Variants in LGSN observed in about 807,000 individuals in gnomAD.
LGSN encodes the protein lengsin, lens protein with glutamine synthetase domain, also known as lengsin.
Under a neutral mutation model 19.5 loss-of-function variants are expected in LGSN, and 21 were observed. That is an observed-to-expected ratio of 1.07 (90% CI 0.76 to 1.55). The LOEUF is 1.55. LGSN is among the 40% of genes most tolerant of loss of function. The pLI, the probability that LGSN is intolerant of heterozygous loss-of-function variation, is 0.00. For missense variants in LGSN, 673 were observed against 608.5 expected, an observed-to-expected ratio of 1.11 and a Z score of -1.12; for synonymous variants, 257 against 215.6, an observed-to-expected ratio of 1.19 and a Z score of -1.68.
the LGSN span, among the ~76,000 whole-genome samples, chr6:63,399,257 C>T: frequency 6.6e-6 from 1 of 152,114 alleles, no homozygotes; most frequent in African/African-American, 2.4e-5. Context: ...TAGGCTATAC[C>T]TTATAGCTTA....
the LGSN span, among the ~76,000 whole-genome samples, chr6:63,420,792 T>C: frequency 6.6e-6 from 1 of 152,148 alleles, no homozygotes; most frequent in East Asian, 1.9e-4. Flanking sequence ...AAAAAAAAGA[T>C]GTCATACATA....
the LGSN span, among the ~76,000 whole-genome samples, chr6:63,547,793 G>T: frequency 6.8e-6 from 1 of 146,994 alleles, no homozygotes; most frequent in Non-Finnish European, 1.5e-5. Flanking sequence ...TTACAGGCGT[G>T]AGCCACTGCG....
the LGSN span, among the ~76,000 whole-genome samples, chr6:63,569,283 T>C: frequency 6.6e-6 from 1 of 152,328 alleles, no homozygotes; most frequent in Middle Eastern, 3.4e-3. Context: ...TGAAATGAAG[T>C]CTCACTCTGT....
At chr6:63,320,439 CT>C (rs1162883926), upstream of LGSN, among the ~76,000 whole-genome samples, 1 of 152,116 alleles carries the variant, frequency 6.6e-6, no homozygotes. Context: ...TTTTTATTTT[CT>C]TTTCTAGGTC....
chr6:63,414,224 T>G, the LGSN span, among the ~76,000 whole-genome samples: 1 of 152,096 alleles, frequency 6.6e-6, no homozygotes, highest in Non-Finnish European at 1.5e-5. Flanking sequence ...CAGGGCCTGA[T>G]GCACCTGAGG....
At chr6:63,500,320 A>G in the LGSN span, among the ~76,000 whole-genome samples, 4 of 152,214 alleles carry the variant, frequency 2.6e-5, no homozygotes, top group Non-Finnish European at 4.4e-5. Context: ...CAAAGAAGGC[A>G]ATGGTCAAGA....
the LGSN span, among the ~76,000 whole-genome samples, chr6:63,460,614 G>A: frequency 6.6e-6 from 1 of 151,980 alleles, no homozygotes; most frequent in East Asian, 1.9e-4. Flanking sequence ...TCTATTATTA[G>A]GAGGAATTTT....
chr6:63,379,559 T>C, the LGSN span, among the ~76,000 whole-genome samples: 1 of 152,210 alleles, frequency 6.6e-6, no homozygotes, highest in Non-Finnish European at 1.5e-5. Flanking sequence ...TCAATTTTTC[T>C]CAGTGATTAA....
At chr6:63,316,519 C>G (rs1458943655) in intron 1 of LGSN, among the ~76,000 whole-genome samples, 1 of 151,858 alleles carries the variant, frequency 6.6e-6, no homozygotes, top group Non-Finnish European at 1.5e-5. Flanking sequence ...TAATATGAAG[C>G]TAAATAATAA....
chr6:63,336,927 C>T, the LGSN span, among the ~76,000 whole-genome samples: 1 of 145,472 alleles, frequency 6.9e-6, no homozygotes, highest in South Asian at 2.2e-4. Context: ...CCTTTCTTTT[C>T]TTTTCTTTTT....
chr6:63,281,086 G>GGTT lies in LGSN; in HGVS notation c.462_464dup (p.Thr155dup), dbSNP rs753094211. 1.2e-6 allele frequency: 2 copies of GGTT among 1,613,734 alleles called. No homozygotes were observed. Among genetic ancestry groups the GGTT allele is most frequent in the East Asian group, 4.5e-5 (2 of 44,854 alleles). On this transcript the variant is annotated inframe_insertion, in exon 4 of 4. Transcript: ENST00000370657. The stretch of plus-strand genomic sequence containing the variant: ...TGTCAGCCCATGGCAAAACTCTAAA[G>GGTT]GTTGATAACTCTGGCATTAGGACTA...
In LGSN at chr6:63,295,838, GA is replaced by G. The variant is rs1249625182; in HGVS notation, c.31-794del. Among the ~76,000 whole-genome samples, 7 of 151,718 alleles carry G rather than the reference GA, an allele frequency of 4.6e-5. No homozygotes were observed. In the East Asian group the frequency reaches 1.4e-3, roughly 29 times the overall value. ...GTCCCAAGACACAAAAGCTGTCACT[GA>G]AAAAAAATATGAAAAATTTTGAAAA... On this transcript the variant is annotated intron_variant, in intron 1 of 3. Coordinates refer to ENST00000370657, the MANE Select transcript of LGSN (RefSeq NM_016571.3).
chr6:63,330,049 T>C, the LGSN span, among the ~76,000 whole-genome samples: 1 of 152,190 alleles, frequency 6.6e-6, no homozygotes, highest in Admixed American at 6.5e-5. Context: ...GAGCTGGCGC[T>C]TGCCCCAGGC....
chr6:63,352,767 A>G, the LGSN span, among the ~76,000 whole-genome samples: 1 of 152,024 alleles, frequency 6.6e-6, no homozygotes, highest in Non-Finnish European at 1.5e-5. Context: ...AAACAAAGGG[A>G]TAGAATTTTG....
the LGSN span, among the ~76,000 whole-genome samples, chr6:63,407,726 A>G: frequency 2.0e-5 from 3 of 152,200 alleles, no homozygotes; most frequent in Non-Finnish European, 4.4e-5. Context: ...TTAGGAAAAG[A>G]GGAAGTCAAA....
chr6:63,480,320 G>A, the LGSN span: 8 of 213,862 alleles, frequency 3.7e-5, no homozygotes, highest in East Asian at 2.3e-4. Flanking sequence ...CAAGTCTTAC[G>A]AAAAGGAAAA....
At chr6:63,437,188 G>A in the LGSN span, among the ~76,000 whole-genome samples, 1 of 147,482 alleles carries the variant, frequency 6.8e-6, no homozygotes. Flanking sequence ...GGGAAGGAGG[G>A]AGGGAGGGAG....
intron 1 of LGSN, among the ~76,000 whole-genome samples, chr6:63,306,129 T>C (rs1457934456): frequency 6.6e-6 from 1 of 152,186 alleles, no homozygotes; most frequent in Non-Finnish European, 1.5e-5. Flanking sequence ...TTAAAAGCAT[T>C]GCCATATCCA....
the LGSN span, among the ~76,000 whole-genome samples, chr6:63,463,938 C>T: frequency 6.6e-6 from 1 of 151,970 alleles, no homozygotes; most frequent in African/African-American, 2.4e-5. Context: ...ATGGACAGTA[C>T]CGAATTTCCA....
Sources: gnomAD v4.1 joint callset for allele counts (sites outside exome capture counted in the v4.1 genomes callset) on GRCh38, gnomAD v4.1.1 for gene constraint, MANE v1.5 for transcripts, NCBI Gene and HGNC (gene_info 2026-07-23, HGNC 2026-07-21) for gene names.